The following SIGLEC11 variants were observed in gnomAD, a reference collection of about 807,000 sequenced individuals.
SIGLEC11 encodes sialic acid-binding Ig-like lectin 11.
Under a neutral mutation model 61.2 loss-of-function variants are expected in SIGLEC11, and 47 were observed. The ratio of observed to expected loss-of-function variants is 0.77; its 90% confidence interval spans 0.61 to 0.98. SIGLEC11 has a LOEUF of 0.98. Ranked by LOEUF, SIGLEC11 falls within the 50% of genes least tolerant of loss-of-function variation. SIGLEC11 has a pLI of 0.00. For synonymous variants in SIGLEC11, 278 were observed against 373.1 expected (o/e 0.75, Z 2.94); for missense variants, 610 against 870.3 (o/e 0.70, Z 3.76).
At position 49,951,567 on chromosome 19, in the gene SIGLEC11, T is replaced by C. The variant is rs539159091; in HGVS notation, c.1830+324A>G. ...CTGAGGAAAGGACTCTCTGGCATCC[T>C]GTGTTGAGGAGGAGAGATAGGAGGG... On this transcript the variant is annotated intron_variant, in intron 10 of 10. Transcript: ENST00000447370. The surrounding 1 kb of genome is among the most constrained non-coding windows in gnomAD (Gnocchi z 4.6). Among the ~76,000 whole-genome samples, 2 of 152,128 alleles carry C rather than the reference T, an allele frequency of 1.3e-5. No homozygotes were observed. The highest frequency in any genetic ancestry group is 3.4e-3 in the Middle Eastern group (1 of 292).
Position 49,955,215 on chromosome 19 carries a change from G to C in SIGLEC11, c.1652-2821C>G, listed in dbSNP as rs970791727. On this transcript the variant is annotated intron_variant, in intron 8 of 10. Transcript: ENST00000447370. This position sits in a 1 kb window ranked among gnomAD's most constrained non-coding sequence, Gnocchi z 4.5. The stretch of plus-strand genomic sequence containing the variant: ...GGGAAAGAGCGAAAGCAACAAGCGA[G>C]GCACCAAGCAGCTAGGCACACCAAG... 6.6e-6 allele frequency among the ~76,000 whole-genome samples: 1 copy of C among 151,582 alleles called. No individual in the cohort carries two copies. Among genetic ancestry groups the C allele is most frequent in the African/African-American group, 2.4e-5 (1 of 41,222 alleles).
chr19:49,958,138 G>T, intron 8 of SIGLEC11, 145 bp downstream of exon 8: 18 of 1,178,316 alleles, frequency 1.5e-5, no homozygotes, highest in Non-Finnish European at 2.4e-6. Context: ...TCAGTTTCCC[G>T]CAACAACTAC....
In SIGLEC11 at chr19:49,955,197, A is replaced by C. The variant is rs2076187073; in HGVS notation, c.1652-2803T>G. Among the ~76,000 whole-genome samples, 1 of 152,010 alleles carries C rather than the reference A, an allele frequency of 6.6e-6. No homozygotes were observed. The highest frequency in any genetic ancestry group is 1.9e-4 in the East Asian group (1 of 5,150). ...ATGACCAGAGAACAAAACGGGAAAG[A>C]GCGAAAGCAACAAGCGAGGCACCAA... On this transcript the variant is annotated intron_variant, in intron 8 of 10. Coordinates refer to ENST00000447370, the MANE Select transcript of SIGLEC11 (RefSeq NM_052884.3). This position sits in a 1 kb window ranked among gnomAD's most constrained non-coding sequence, Gnocchi z 4.5.
Position 49,958,719 on chromosome 19 carries a change from C to T in SIGLEC11, c.1287G>A (p.Glu429=). Residue 429 remains glutamate (E), a synonymous_variant, in exon 7 of 11, where the codon GAG becomes GAA. Transcript: ENST00000447370. ...CGTGGCAGGTGAACTCTCCTTCGTG[C>T]TCCATTTGAATGGGTGGCAGCTCCA... The part of the protein sequence containing the change: ...GVLELPPIQM[E]HEGEFTCHAQ... 2 of 1,613,688 alleles carry T rather than the reference C, an allele frequency of 1.2e-6. No homozygotes were observed. Among genetic ancestry groups the T allele is most frequent in the Non-Finnish European group, 1.7e-6 (2 of 1,179,730 alleles).
Position 49,958,627 on chromosome 19 carries a change from C to T in SIGLEC11, c.1363+16G>A, listed in dbSNP as rs748436268. 1.9e-6 allele frequency: 3 copies of T among 1,576,358 alleles called. No homozygotes were observed. Among genetic ancestry groups the T allele is most frequent in the Non-Finnish European group, 2.6e-6 (3 of 1,161,808 alleles). ...GCCCCTTCCTGGGACCCAGGTGTCC[C>T]CTTTCCCCCACTCACAGTGCACGGA... is the stretch of plus-strand genomic sequence containing the variant. On this transcript the variant is annotated intron_variant, in intron 7 of 10. Transcript: ENST00000447370.
chr19:49,949,417 TCG>T lies in SIGLEC11; in HGVS notation c.*551_*552del, dbSNP rs2076143409. The T allele has an allele frequency of 6.6e-6, 1 of 152,064 alleles. No homozygotes were observed. Among genetic ancestry groups the T allele is most frequent in the Admixed American group, 6.6e-5 (1 of 15,262 alleles). The allele number at this position is 152,064 out of a possible 1,614,324, so 9.4% of individuals were successfully genotyped here. Reference sequence around the variant, plus strand: ...GCAAACAACTCCAGGAGCTGGCTTCTCGTTCTGGAGAGCACCCTGTGCCTCCT... The same window carrying T: ...GCAAACAACTCCAGGAGCTGGCTTCTTTCTGGAGAGCACCCTGTGCCTCCT... On this transcript the variant is annotated 3_prime_UTR_variant, in exon 11 of 11. Transcript: ENST00000447370.
At chr19:49,950,992 C>T (rs1179035591) in intron 10 of SIGLEC11, among the ~76,000 whole-genome samples, 1 of 152,204 alleles carries the variant, frequency 6.6e-6, no homozygotes, top group Non-Finnish European at 1.5e-5. Context: ...GGGAAGGAAC[C>T]TCTAATGTAG....
chr19:49,959,271 A>C, intron 5 of SIGLEC11, 89 bp downstream of exon 5: 10 of 1,564,696 alleles, frequency 6.4e-6, no homozygotes, highest in Middle Eastern at 2.4e-4. Flanking sequence ...CCTGGGGTTC[A>C]AGACCCCCTC....
At chr19:49,959,151 A>C (rs2076222803) in intron 5 of SIGLEC11, 74 bp from the exon 6 acceptor site, 2 of 1,602,736 alleles carry the variant, frequency 1.2e-6, no homozygotes, top group Admixed American at 3.4e-5. Context: ...TATCCTGGAC[A>C]CTGAGGTGGG....
chr19:49,950,255 G>A lies in SIGLEC11; in HGVS notation c.1831-19C>T. 2 of 1,541,898 alleles carry A rather than the reference G, an allele frequency of 1.3e-6. No homozygotes were observed. Among genetic ancestry groups the A allele is most frequent in the Non-Finnish European group, 1.7e-6 (2 of 1,145,740 alleles). ...GGTGACCCTGAATGCAGGGGAGAAAGGGGGTCAAATTAGGGTCATGGGGGC... is the reference window on the plus strand; with the variant it reads ...GGTGACCCTGAATGCAGGGGAGAAAAGGGGTCAAATTAGGGTCATGGGGGC... On this transcript the variant is annotated intron_variant, in intron 10 of 10. Coordinates refer to ENST00000447370, the MANE Select transcript of SIGLEC11 (RefSeq NM_052884.3).
In SIGLEC11 at chr19:49,960,215, CGTG is replaced by C; in HGVS notation, c.664_666del (p.His222del). ...TCCACATGGCAGGTGAGGTCGGTGT[CGTG>C]GTCCTGGGGGCTGGGCGTGAAGCTG... On this transcript the variant is annotated inframe_deletion, in exon 3 of 11. Coordinates refer to ENST00000447370, the MANE Select transcript of SIGLEC11 (RefSeq NM_052884.3). 6.5e-7 allele frequency: 1 copy of C among 1,530,792 alleles called. No homozygotes were observed. The allele number at this position is 1,530,792 out of a possible 1,614,324, so 94.8% of individuals were successfully genotyped here. A position where few individuals can be genotyped will look rare whatever the true frequency, so the allele number is the denominator to read the frequency against.
chr19:49,953,846 C>T (rs1475720102), intron 8 of SIGLEC11, among the ~76,000 whole-genome samples: 1 of 152,194 alleles, frequency 6.6e-6, no homozygotes, highest in African/African-American at 2.4e-5. Context: ...TCAAAACTTA[C>T]TCCATTGAAG....
rs2076157109 is a variant in SIGLEC11, at chr19:49,951,392, A to G, written c.1830+499T>C. Among the ~76,000 whole-genome samples, 1 of 152,164 alleles carries G rather than the reference A, an allele frequency of 6.6e-6. No individual in the cohort carries two copies. Among genetic ancestry groups the G allele is most frequent in the Non-Finnish European group, 1.5e-5 (1 of 68,024 alleles). On this transcript the variant is annotated intron_variant, in intron 10 of 10. Coordinates refer to ENST00000447370, the MANE Select transcript of SIGLEC11 (RefSeq NM_052884.3). The surrounding 1 kb of genome is among the most constrained non-coding windows in gnomAD (Gnocchi z 4.6). ...GATTTTCATCTGTATCGGTCACTAT[A>G]AACCATCACCACGAGGATCACAGCT...
rs753561605 is a variant in SIGLEC11, at chr19:49,951,898, A to G, written c.1823T>C (p.Ile608Thr). ...CAGAGGCTGGGCTCTCACCTGGGAGATGGGTCCCAGGGTGGAGGGCACGTC... is the reference window on the plus strand; with the variant it reads ...CAGAGGCTGGGCTCTCACCTGGGAGGTGGGTCCCAGGGTGGAGGGCACGTC... ...EQDVPSTLGP[I>T]SQGHQHECSA... The change falls in exon 10 of 11, where the codon ATC becomes ACC. Residue 608 changes from isoleucine to threonine, a missense_variant. Physicochemically the swap from Ile to Thr is moderately conservative, Grantham distance 89 (BLOSUM62 -1). Around this residue, in one of 6 missense-constraint regions of SIGLEC11, gnomAD observed 432 missense variants for 441.5 expected, o/e 0.98. Transcript: ENST00000447370. The surrounding 1 kb of genome is among the most constrained non-coding windows in gnomAD (Gnocchi z 4.6). 4 of 1,599,470 alleles carry G rather than the reference A, an allele frequency of 2.5e-6. No homozygotes were observed.
rs757346748 is a variant in SIGLEC11, at chr19:49,952,344, C to T, written c.1702G>A (p.Gly568Ser). 3.7e-6 allele frequency: 6 copies of T among 1,610,956 alleles called. No individual in the cohort carries two copies. Among genetic ancestry groups the T allele is most frequent in the Non-Finnish European group, 5.1e-6 (6 of 1,179,970 alleles). ...CAGAAAGCGAGCAGGGCAGCGACGC[C>T]AGCTCCCAGGGCAGCCCCCAGGCCA... Reference protein sequence around the residue: ...GLGLGAALGAGVAALLAFCSC... With the variant: ...GLGLGAALGASVAALLAFCSC... The change falls in exon 9 of 11, where the codon GGC becomes AGC. Residue 568 changes from glycine to serine, a missense_variant. Around this residue, in one of 6 missense-constraint regions of SIGLEC11, gnomAD observed 432 missense variants for 441.5 expected, o/e 0.98. Transcript: ENST00000447370.
rs1397303974 is a variant in SIGLEC11 at position 49,952,170 on chromosome 19, T to C, written c.1748+128A>G. Reference sequence around the variant, plus strand: ...AGGGCTCTGGAGCAGACCCCTGCTCTGATCCTCTTGCCCAAGGCCTAGTTC... The same window carrying C: ...AGGGCTCTGGAGCAGACCCCTGCTCCGATCCTCTTGCCCAAGGCCTAGTTC... On this transcript the variant is annotated intron_variant, in intron 9 of 10. Coordinates refer to ENST00000447370, the MANE Select transcript of SIGLEC11 (RefSeq NM_052884.3). 3.6e-6 allele frequency: 4 copies of C among 1,107,156 alleles called. No individual in the cohort carries two copies. In the African/African-American group the frequency reaches 6.2e-5, roughly 17 times the overall value. 68.6% of individuals were successfully genotyped at this position (1,107,156 alleles called of 1,614,324 possible).
At position 49,958,636 on chromosome 19, in the gene SIGLEC11, C is replaced by T. The variant is rs1865042; in HGVS notation, c.1363+7G>A. 1 of 1,581,480 alleles carries T rather than the reference C, an allele frequency of 6.3e-7. No homozygotes were observed. Among genetic ancestry groups the T allele is most frequent in the Non-Finnish European group, 8.6e-7 (1 of 1,164,480 alleles). On this transcript the variant is annotated splice_region_variant and intron_variant, in intron 7 of 10. Transcript: ENST00000447370. ...TGGGACCCAGGTGTCCCCTTTCCCC[C>T]ACTCACAGTGCACGGAGAGGCTGAG...
Position 49,958,138 on chromosome 19 carries a change from GCAA to G in SIGLEC11, c.1651+142_1651+144del, listed in dbSNP as rs567526688. ...TGCTCTCTCCGTTCCTCAGTTTCCC[GCAA>G]CAACTACCAGCCACAGAGCAGGGAC... On this transcript the variant is annotated intron_variant, in intron 8 of 10. Transcript: ENST00000447370. 2,388 of 1,178,292 alleles carry G rather than the reference GCAA, an allele frequency of 2.0e-3. 53 individuals carry two copies. In the South Asian group the frequency reaches 0.034, roughly 17 times the overall value. 73.0% of individuals were successfully genotyped at this position (1,178,292 alleles called of 1,614,324 possible).
chr19:49,958,400 GC>G lies in SIGLEC11; in HGVS notation c.1533del (p.Trp513GlyfsTer6). ...AGGCTCAGGGAGCTGTTGGCCCAGG[GC>G]CCGGCTGAGCTGGGGGTGACCTCGA... The part of the protein sequence containing the change: ...GSFEVTPSSA[G>X]PWANSSLSLH... On this transcript the variant is annotated frameshift_variant, in exon 8 of 11. Coordinates refer to ENST00000447370, the MANE Select transcript of SIGLEC11 (RefSeq NM_052884.3). LOFTEE classifies it high-confidence loss of function. 1 of 1,614,114 alleles carries G rather than the reference GC, an allele frequency of 6.2e-7. No homozygotes were observed.
Sources: gnomAD v4.1 joint callset for allele counts (sites outside exome capture counted in the v4.1 genomes callset) on GRCh38, gnomAD v4.1.1 for gene constraint, gnomAD v4.1.1 regional missense constraint, Gnocchi (gnomAD v3.1) non-coding constraint, MANE v1.5 for transcripts, NCBI Gene and HGNC (gene_info 2026-07-23, HGNC 2026-07-21) for gene names.